Variants in CLEC16A observed in about 807,000 individuals in gnomAD.
CLEC16A encodes protein CLEC16A.
Under a neutral mutation model 109.5 loss-of-function variants are expected in CLEC16A, and 51 were observed. The ratio of observed to expected loss-of-function variants is 0.47; its 90% CI spans 0.37 to 0.59. The LOEUF (loss-of-function observed/expected upper bound fraction) is 0.59, where lower values mean the gene tolerates loss of function less well. Ranked by LOEUF, CLEC16A falls within the 20% of genes least tolerant of loss-of-function variation. The probability of loss-of-function intolerance (pLI) is 0.00; values close to 1 mark genes in which losing one functional copy is unlikely to be tolerated. For missense variants in CLEC16A, 1,339 were observed against 1,394.0 expected (o/e 0.96, Z 0.63); for synonymous variants, 673 against 564.2 (o/e 1.19, Z -2.73).
chr16:11,157,868 C>T (rs769556360), intron 22 of CLEC16A, among the ~76,000 whole-genome samples: 2 of 152,120 alleles, frequency 1.3e-5, no homozygotes, highest in Admixed American at 6.5e-5. Context: ...AGCTCCTAGC[C>T]CCCGCCTGCC....
At chr16:10,949,643 C>T (rs1473837843) in intron 1 of CLEC16A, among the ~76,000 whole-genome samples, 1 of 152,166 alleles carries the variant, frequency 6.6e-6, no homozygotes. Flanking sequence ...CTGTAAATCA[C>T]TTTAAGGAAT....
chr16:11,169,370 T>A (rs1307824475), intron 23 of CLEC16A, among the ~76,000 whole-genome samples: 1 of 152,182 alleles, frequency 6.6e-6, no homozygotes, highest in East Asian at 1.9e-4. Flanking sequence ...CACTGCAACC[T>A]CCACCTCCCA....
intron 19 of CLEC16A, among the ~76,000 whole-genome samples, chr16:11,095,859 A>C (rs2050581817): frequency 6.7e-6 from 1 of 150,352 alleles, no homozygotes; most frequent in Non-Finnish European, 1.5e-5. Flanking sequence ...GCGTAGCTGT[A>C]GCGTAAGATT....
At chr16:11,160,100 A>C (rs185777195) in intron 22 of CLEC16A, among the ~76,000 whole-genome samples, 1 of 152,164 alleles carries the variant, frequency 6.6e-6, no homozygotes, top group East Asian at 1.9e-4. Context: ...GGTAGTTTTC[A>C]CATCTTCCAA....
chr16:11,129,927 T>A (rs1200497597), intron 22 of CLEC16A, among the ~76,000 whole-genome samples: 2 of 152,060 alleles, frequency 1.3e-5, no homozygotes, highest in African/African-American at 2.4e-5. Context: ...CACGCCCGGT[T>A]AATTTTTTGT....
chr16:11,168,167 A>T (rs890334494), intron 23 of CLEC16A, among the ~76,000 whole-genome samples: 12 of 152,184 alleles, frequency 7.9e-5, no homozygotes, highest in African/African-American at 2.4e-4. Context: ...ATGGATGTCT[A>T]CCTGAATGTG....
intron 22 of CLEC16A, among the ~76,000 whole-genome samples, chr16:11,149,097 C>T (rs1298140633): frequency 6.6e-6 from 1 of 152,112 alleles, no homozygotes; most frequent in Non-Finnish European, 1.5e-5. Flanking sequence ...ATCAAAGTGG[C>T]CAGTATGTTA....
intron 14 of CLEC16A, chr16:11,042,001 TCCTGCACCC>T: frequency 2.1e-6 from 1 of 467,820 alleles, no homozygotes. Flanking sequence ...ACCCTCTTTT[TCCTGCACCC>T]TGTCAGTAAA....
intron 10 of CLEC16A, among the ~76,000 whole-genome samples, chr16:10,998,531 C>T (rs80223137): frequency 0.14 from 21,224 of 152,254 alleles, 1,792 homozygotes; most frequent in South Asian, 0.22. Flanking sequence ...TCAACCCAAA[C>T]GCCTTGTGAT....
At chr16:11,132,230 A>ACCCCCCCC (rs1481112707) in intron 22 of CLEC16A, among the ~76,000 whole-genome samples, 16 of 44,386 alleles carry the variant, frequency 3.6e-4, no homozygotes, top group African/African-American at 1.4e-3. Flanking sequence ...GTCATCGCCC[A>ACCCCCCCC]CCCACCCCCC....
intron 19 of CLEC16A, among the ~76,000 whole-genome samples, chr16:11,110,795 A>G (rs1381780995): frequency 1.3e-5 from 2 of 152,168 alleles, no homozygotes; most frequent in Non-Finnish European, 2.9e-5. Context: ...AGACTCAGAA[A>G]AGGGAGGTGA....
intron 10 of CLEC16A, among the ~76,000 whole-genome samples, chr16:11,001,975 G>A (rs368821566): frequency 6.6e-6 from 1 of 152,150 alleles, no homozygotes; most frequent in African/African-American, 2.4e-5. Context: ...AGCAAGGCAC[G>A]CTAGTGTTCC....
intron 13 of CLEC16A, among the ~76,000 whole-genome samples, chr16:11,031,202 C>T (rs926931924): frequency 6.6e-6 from 1 of 152,192 alleles, no homozygotes; most frequent in Non-Finnish European, 1.5e-5. Context: ...GGTTGCTGCT[C>T]AGCTATGTGG....
intron 19 of CLEC16A, among the ~76,000 whole-genome samples, chr16:11,068,519 T>G (rs2048887060): frequency 1.3e-5 from 2 of 152,200 alleles, no homozygotes; most frequent in Non-Finnish European, 2.9e-5. Flanking sequence ...TCCAGACCTG[T>G]GTACTCAGCT....
At chr16:11,097,572 C>T (rs1263670442) in intron 19 of CLEC16A, among the ~76,000 whole-genome samples, 7 of 152,130 alleles carry the variant, frequency 4.6e-5, no homozygotes, top group Admixed American at 4.6e-4. Context: ...GAGTTCAGGG[C>T]TGTTCTAATT....
intron 1 of CLEC16A, 107 bp downstream of exon 1, chr16:10,944,904 C>G: frequency 9.3e-7 from 1 of 1,076,756 alleles, no homozygotes; most frequent in Non-Finnish European, 1.3e-6. Flanking sequence ...CGAAGGGCGC[C>G]CGGGGAAGCC....
chr16:10,994,158 A>G (rs2044194318), intron 10 of CLEC16A, among the ~76,000 whole-genome samples: 2 of 152,208 alleles, frequency 1.3e-5, no homozygotes, highest in African/African-American at 2.4e-5. Flanking sequence ...TTCATGGAGA[A>G]GAATGCCGTG....
chr16:11,032,907 A>G (rs1159297795), intron 13 of CLEC16A, among the ~76,000 whole-genome samples: 2 of 152,182 alleles, frequency 1.3e-5, no homozygotes, highest in Non-Finnish European at 2.9e-5. Context: ...CCCCTACCGA[A>G]TTTTTAAGTA....
chr16:10,998,351 C>T (rs916380808), intron 10 of CLEC16A, among the ~76,000 whole-genome samples: 7 of 152,204 alleles, frequency 4.6e-5, no homozygotes, highest in African/African-American at 7.2e-5. Context: ...TGTTTCACTG[C>T]AGTCAGCAAA....
Sources: allele counts gnomAD v4.1 joint callset (sites outside exome capture counted in the v4.1 genomes callset), GRCh38; gene constraint gnomAD v4.1.1; transcripts MANE v1.5; gene names NCBI Gene and HGNC (gene_info 2026-07-23, HGNC 2026-07-21).